The following DYNC1I1 variants were observed in gnomAD, a reference collection of about 807,000 sequenced individuals.
DYNC1I1 encodes dynein cytoplasmic 1 intermediate chain 1.
In DYNC1I1, 43 loss-of-function variants were observed where a neutral mutation model predicts 86.6. The ratio of observed to expected loss-of-function variants is 0.50; its 90% CI spans 0.39 to 0.64. The LOEUF (loss-of-function observed/expected upper bound fraction) is 0.64, where lower values mean the gene tolerates loss of function less well. DYNC1I1 is among the 30% of genes least tolerant of loss of function. The probability of loss-of-function intolerance (pLI) is 0.00; values close to 1 mark genes in which losing one functional copy is unlikely to be tolerated. For synonymous variants in DYNC1I1, 262 were observed against 283.7 expected (o/e 0.92, Z 0.77); for missense variants, 604 against 788.8 (o/e 0.77, Z 2.81).
rs200845264 is a variant in DYNC1I1, at chr7:95,810,392, G to T, written c.109G>T (p.Ala37Ser). The T allele has an allele frequency of 4.4e-5, 71 of 1,605,716 alleles. No homozygotes were observed. The highest frequency in any genetic ancestry group is 3.4e-5 in the Admixed American group (2 of 58,450). The change falls in exon 3 of 17, where the codon GCT becomes TCT. Residue 37 changes from alanine to serine, a missense_variant and splice_region_variant. Ala to Ser is a moderately conservative substitution (Grantham distance 99, BLOSUM62 1). Transcript: ENST00000447467. ...TTTTCTTACTGACGTCTACTTCTAGGCTGATATGCAGCAGAAGAAAGAACC... is the reference window on the plus strand; with the variant it reads ...TTTTCTTACTGACGTCTACTTCTAGTCTGATATGCAGCAGAAGAAAGAACC... ...RKEEERKKKE[A>S]DMQQKKEPVQ...
chr7:95,953,347 A>G lies in DYNC1I1; in HGVS notation c.491-24165A>G, dbSNP rs150482723. On this transcript the variant is annotated intron_variant, in intron 6 of 16. Coordinates refer to ENST00000447467, the MANE Select transcript of DYNC1I1 (RefSeq NM_001135556.2). ...TGTAAAAACTGAGTTGTAACTTTTT[A>G]TGTGAGTGGAACAGCATTTCTCTCC... 1.1e-4 allele frequency among the ~76,000 whole-genome samples: 17 copies of G among 151,980 alleles called. No individual in the cohort carries two copies. In the East Asian group the frequency reaches 3.1e-3, roughly 28 times the overall value.
rs188959273 is a variant in DYNC1I1 at position 95,941,887 on chromosome 7, T to G, written c.491-35625T>G. On this transcript the variant is annotated intron_variant, in intron 6 of 16. Coordinates refer to ENST00000447467, the MANE Select transcript of DYNC1I1 (RefSeq NM_001135556.2). Reference sequence around the variant, plus strand: ...GATGGAAATGCAGAAATCACCCGTCTTCTGTGTCGCTCATGCTGGGAGCTG... The same window carrying G: ...GATGGAAATGCAGAAATCACCCGTCGTCTGTGTCGCTCATGCTGGGAGCTG... Among the ~76,000 whole-genome samples, 101 of 152,324 alleles carry G rather than the reference T, an allele frequency of 6.6e-4. No homozygotes were observed. The East Asian group carries it at 0.019, about 28-fold the overall frequency.
rs1794877781 is a variant in DYNC1I1, at chr7:95,813,416, A to G, written c.314+79A>G. ...AAACAGCAACAACACCACTGTTAGA[A>G]TACTGTGAAATGTGCATGTATCTGC... is the stretch of plus-strand genomic sequence containing the variant. On this transcript the variant is annotated intron_variant, in intron 4 of 16. Transcript: ENST00000447467. 3 of 1,495,112 alleles carry G rather than the reference A, an allele frequency of 2.0e-6. No homozygotes were observed. In the South Asian group the frequency reaches 3.8e-5, roughly 19 times the overall value. The allele number at this position is 1,495,112 out of a possible 1,614,324, so 92.6% of individuals were successfully genotyped here.
chr7:96,025,741 T>C (rs551042008), intron 10 of DYNC1I1, among the ~76,000 whole-genome samples: 1 of 152,020 alleles, frequency 6.6e-6, no homozygotes, highest in Non-Finnish European at 1.5e-5. Context: ...TCTATGGGGT[T>C]GGGTTCTAGT....
chr7:95,832,608 C>A (rs1788944069), intron 5 of DYNC1I1, among the ~76,000 whole-genome samples: 1 of 152,142 alleles, frequency 6.6e-6, no homozygotes, highest in African/African-American at 2.4e-5. Context: ...ATTCCTATTT[C>A]TCCACATCCT....
At chr7:96,057,445 G>C (rs1004800344) in intron 14 of DYNC1I1, among the ~76,000 whole-genome samples, 2 of 152,066 alleles carry the variant, frequency 1.3e-5, no homozygotes, top group African/African-American at 2.4e-5. Context: ...TTAGAATTTG[G>C]TCTGTTAAAT....
intron 6 of DYNC1I1, among the ~76,000 whole-genome samples, chr7:95,938,807 G>C (rs1205507467): frequency 6.6e-6 from 1 of 152,080 alleles, no homozygotes; most frequent in Non-Finnish European, 1.5e-5. Flanking sequence ...AGCAGTAGCA[G>C]AAATAGTGAC....
chr7:96,081,655 T>A lies in DYNC1I1; in HGVS notation c.1776+1167T>A, dbSNP rs574093702. 3.3e-5 allele frequency among the ~76,000 whole-genome samples: 5 copies of A among 152,322 alleles called. No homozygotes were observed. The East Asian group carries it at 9.6e-4, about 29-fold the overall frequency. Reference sequence around the variant, plus strand: ...AGCATCCTAGACCTAGAAAGTACTCTGTGAGTGCCTGGTGGATGGGTTTAG... The same window carrying A: ...AGCATCCTAGACCTAGAAAGTACTCAGTGAGTGCCTGGTGGATGGGTTTAG... On this transcript the variant is annotated intron_variant, in intron 16 of 16. Coordinates refer to ENST00000447467, the MANE Select transcript of DYNC1I1 (RefSeq NM_001135556.2).
intron 10 of DYNC1I1, among the ~76,000 whole-genome samples, chr7:95,998,866 A>C (rs1793938952): frequency 6.6e-6 from 1 of 152,212 alleles, no homozygotes; most frequent in Non-Finnish European, 1.5e-5. Context: ...CATCAGCTCC[A>C]TGGTGTTTTG....
At chr7:95,949,297 T>C (rs1792489675) in intron 6 of DYNC1I1, among the ~76,000 whole-genome samples, 1 of 152,188 alleles carries the variant, frequency 6.6e-6, no homozygotes. Context: ...TGCACATAAA[T>C]CCCTTTTGGA....
At chr7:95,952,443 C>T (rs1002000291) in intron 6 of DYNC1I1, among the ~76,000 whole-genome samples, 2 of 152,132 alleles carry the variant, frequency 1.3e-5, no homozygotes, top group Admixed American at 6.5e-5. Context: ...ACAAGAGGTG[C>T]CTCATCAAGA....
At chr7:96,089,443 A>G (rs1321744664) in intron 16 of DYNC1I1, among the ~76,000 whole-genome samples, 1 of 152,160 alleles carries the variant, frequency 6.6e-6, no homozygotes, top group African/African-American at 2.4e-5. Flanking sequence ...TAGAGCATTC[A>G]GGATGTAGCC....
At chr7:95,899,290 A>G (rs1790972743) in intron 6 of DYNC1I1, among the ~76,000 whole-genome samples, 1 of 152,236 alleles carries the variant, frequency 6.6e-6, no homozygotes, top group South Asian at 2.1e-4. Context: ...CTTGCTCTGC[A>G]TAAGGATTTC....
intron 10 of DYNC1I1, among the ~76,000 whole-genome samples, chr7:96,017,063 G>A (rs1488601797): frequency 3.9e-5 from 6 of 152,100 alleles, no homozygotes; most frequent in African/African-American, 1.2e-4. Flanking sequence ...AACAAGCACC[G>A]AAGTTAATGC....
intron 1 of DYNC1I1, among the ~76,000 whole-genome samples, chr7:95,774,323 C>G (rs1485802340): frequency 1.5e-5 from 2 of 133,602 alleles, no homozygotes; most frequent in Non-Finnish European, 3.4e-5. Flanking sequence ...TACAAATGCA[C>G]TTGCTTCCTC....
At chr7:95,945,648 A>G (rs319348) in intron 6 of DYNC1I1, among the ~76,000 whole-genome samples, 101,939 of 152,068 alleles carry the variant, frequency 0.67, 35,376 homozygotes, top group East Asian at 0.9. Flanking sequence ...CTTTTTTAGC[A>G]TTAAACATCA....
intron 10 of DYNC1I1, among the ~76,000 whole-genome samples, chr7:96,026,394 T>C (rs1018287770): frequency 6.6e-6 from 1 of 152,090 alleles, no homozygotes; most frequent in African/African-American, 2.4e-5. Context: ...AATAGATGTT[T>C]AGTTTACTAG....
At chr7:96,005,614 A>G (rs1794122499) in intron 10 of DYNC1I1, among the ~76,000 whole-genome samples, 2 of 152,210 alleles carry the variant, frequency 1.3e-5, no homozygotes, top group South Asian at 4.1e-4. Flanking sequence ...ACAGCCAGCA[A>G]ACAACTCCTG....
intron 5 of DYNC1I1, among the ~76,000 whole-genome samples, chr7:95,834,969 C>T (rs1352707909): frequency 6.8e-6 from 1 of 147,298 alleles, no homozygotes; most frequent in Non-Finnish European, 1.5e-5. Context: ...GTCTCTATTT[C>T]CTTCAGTTCT....
Sources: gnomAD v4.1 joint callset for allele counts (sites outside exome capture counted in the v4.1 genomes callset) on GRCh38, gnomAD v4.1.1 for gene constraint, MANE v1.5 for transcripts, NCBI Gene and HGNC (gene_info 2026-07-23, HGNC 2026-07-21) for gene names.